The following FHIT variants were observed in gnomAD, a reference collection of about 807,000 sequenced individuals.
The protein encoded by FHIT is bis(5'-adenosyl)-triphosphatase.
A neutral mutation model predicts 17.9 loss-of-function variants in FHIT; 19 were observed. The ratio of observed to expected loss-of-function variants is 1.06; its 90% confidence interval spans 0.74 to 1.56. The LOEUF (loss-of-function observed/expected upper bound fraction) is 1.56, where lower values mean the gene tolerates loss of function less well. Among genes scored for constraint, FHIT ranks in the 40% most tolerant of loss-of-function variants. The probability of loss-of-function intolerance (pLI) is 0.00; values close to 1 mark genes in which losing one functional copy is unlikely to be tolerated. For missense variants in FHIT, 248 were observed against 189.2 expected (o/e 1.31, Z -1.82); for synonymous variants, 81 against 69.7 (o/e 1.16, Z -0.81).
rs72107416 is a variant in FHIT, at chr3:61,239,762, C to CATATATATATATAT, written c.-213+11525_-213+11538dup. 2.9e-3 allele frequency among the ~76,000 whole-genome samples: 311 copies of CATATATATATATAT among 108,256 alleles called. 15 individuals carry two copies. The highest frequency in any genetic ancestry group is 0.01 in the African/African-American group (228 of 21,858). The allele number at this position is 108,256 out of a possible 152,430, so 71.0% of individuals were successfully genotyped here. ...AAAACTGCAAAGAAAAACAACTGGC[C>CATATATATATATAT]ATATATATATATATATATATATACA... On this transcript the variant is annotated intron_variant, in intron 1 of 9. Coordinates refer to ENST00000492590, the MANE Select transcript of FHIT (RefSeq NM_002012.4).
chr3:60,521,242 A>T (rs536052638), intron 5 of FHIT, among the ~76,000 whole-genome samples: 1 of 133,234 alleles, frequency 7.5e-6, no homozygotes, highest in African/African-American at 2.9e-5. Flanking sequence ...AATAAAAAAA[A>T]AATAAGTATT....
At chr3:60,674,094 C>T (rs1473996332) in intron 4 of FHIT, among the ~76,000 whole-genome samples, 1 of 152,072 alleles carries the variant, frequency 6.6e-6, no homozygotes, top group East Asian at 1.9e-4. Context: ...TATATTTTTT[C>T]TATTTTTTCC....
intron 2 of FHIT, among the ~76,000 whole-genome samples, chr3:61,161,817 C>T (rs1457467262): frequency 6.6e-6 from 1 of 152,160 alleles, no homozygotes; most frequent in Non-Finnish European, 1.5e-5. Flanking sequence ...ATCAAACAGT[C>T]GTGAAATTGC....
intron 5 of FHIT, among the ~76,000 whole-genome samples, chr3:60,354,498 G>A (rs1327575449): frequency 6.6e-6 from 1 of 152,088 alleles, no homozygotes; most frequent in Non-Finnish European, 1.5e-5. Flanking sequence ...TGAAGAAACA[G>A]ATACAGAGTA....
chr3:60,409,477 G>A (rs533643484), intron 5 of FHIT, among the ~76,000 whole-genome samples: 3 of 152,284 alleles, frequency 2.0e-5, no homozygotes, highest in Admixed American at 6.5e-5. Flanking sequence ...CTTTAACTGT[G>A]AATCTGTAAC....
At chr3:61,094,285 ATAG>A (rs1164605144) in intron 2 of FHIT, among the ~76,000 whole-genome samples, 6 of 152,314 alleles carry the variant, frequency 3.9e-5, no homozygotes, top group South Asian at 2.1e-4. Flanking sequence ...GTATTTGGAA[ATAG>A]TTATGAACTC....
chr3:60,764,766 ATAAT>A (rs1442239546), intron 4 of FHIT, among the ~76,000 whole-genome samples: 2 of 150,680 alleles, frequency 1.3e-5, no homozygotes, highest in Non-Finnish European at 3.0e-5. Context: ...ATAATTACAT[ATAAT>A]TAATATATAA....
intron 5 of FHIT, among the ~76,000 whole-genome samples, chr3:60,273,126 T>C (rs1383730181): frequency 6.6e-6 from 1 of 152,194 alleles, no homozygotes; most frequent in East Asian, 1.9e-4. Flanking sequence ...TGAGAAATAA[T>C]TTGCTTAGAC....
At chr3:60,067,430 A>T (rs1403313491) in intron 5 of FHIT, among the ~76,000 whole-genome samples, 1 of 152,190 alleles carries the variant, frequency 6.6e-6, no homozygotes, top group Non-Finnish European at 1.5e-5. Context: ...ATACTCTAAA[A>T]CAAATGGGCA....
chr3:61,030,348 G>A (rs773143495), intron 3 of FHIT, among the ~76,000 whole-genome samples: 7 of 152,264 alleles, frequency 4.6e-5, no homozygotes, highest in Non-Finnish European at 7.4e-5. Flanking sequence ...ACATTCATTC[G>A]TTCATTCAAT....
intron 5 of FHIT, among the ~76,000 whole-genome samples, chr3:60,303,667 C>A (rs1708540415): frequency 6.6e-6 from 1 of 152,104 alleles, no homozygotes; most frequent in Non-Finnish European, 1.5e-5. Context: ...GATAAAGGTG[C>A]CATAAGACAG....
At chr3:59,950,037 G>T (rs1476755174) in intron 7 of FHIT, among the ~76,000 whole-genome samples, 1 of 152,054 alleles carries the variant, frequency 6.6e-6, no homozygotes, top group East Asian at 1.9e-4. Flanking sequence ...GAGACATAGG[G>T]GTCAATTCTA....
intron 3 of FHIT, among the ~76,000 whole-genome samples, chr3:60,976,499 C>A (rs750427751): frequency 6.6e-6 from 1 of 152,076 alleles, no homozygotes; most frequent in East Asian, 1.9e-4. Flanking sequence ...AAACGAAAAA[C>A]CATGTCTCTA....
chr3:60,100,285 G>C (rs1704135808), intron 5 of FHIT, among the ~76,000 whole-genome samples: 1 of 152,098 alleles, frequency 6.6e-6, no homozygotes, highest in South Asian at 2.1e-4. Context: ...TCGGGAGGCT[G>C]AGACAAGAGA....
At chr3:61,047,853 A>T (rs75079331) in intron 2 of FHIT, among the ~76,000 whole-genome samples, 1 of 133,276 alleles carries the variant, frequency 7.5e-6, no homozygotes, top group Non-Finnish European at 1.6e-5. Flanking sequence ...TTTGACAAAC[A>T]TGAAAAAACA....
chr3:60,978,282 G>A (rs1710347432), intron 3 of FHIT, among the ~76,000 whole-genome samples: 1 of 152,154 alleles, frequency 6.6e-6, no homozygotes, highest in African/African-American at 2.4e-5. Context: ...TTAAAATGTG[G>A]ATTCTGATTC....
At chr3:60,029,930 C>T (rs1210603156) in intron 5 of FHIT, among the ~76,000 whole-genome samples, 2 of 23,904 alleles carry the variant, frequency 8.4e-5, no homozygotes, top group African/African-American at 2.0e-4. Flanking sequence ...TGTGTGTGTA[C>T]AAATGTGATG....
intron 5 of FHIT, among the ~76,000 whole-genome samples, chr3:60,386,861 G>C (rs1034657477): frequency 6.6e-6 from 1 of 152,074 alleles, no homozygotes; most frequent in African/African-American, 2.4e-5. Flanking sequence ...GTCCACTATA[G>C]CGTAAACACA....
At chr3:60,166,545 T>A (rs765754641) in intron 5 of FHIT, among the ~76,000 whole-genome samples, 9 of 152,170 alleles carry the variant, frequency 5.9e-5, no homozygotes, top group Non-Finnish European at 1.3e-4. Flanking sequence ...AGTAAGGTAC[T>A]ATTATTATCT....
Sources: allele counts gnomAD v4.1 joint callset (sites outside exome capture counted in the v4.1 genomes callset), GRCh38; gene constraint gnomAD v4.1.1; transcripts MANE v1.5; gene names NCBI Gene and HGNC (gene_info 2026-07-23, HGNC 2026-07-21).